MYO9B: variants seen among roughly 807,000 people sequenced by gnomAD.
MYO9B encodes the protein unconventional myosin-IXb.
In MYO9B, 71 loss-of-function variants were observed where a neutral mutation model predicts 229.5. That is an observed-to-expected ratio of 0.31 (90% CI 0.26 to 0.38). The LOEUF (loss-of-function observed/expected upper bound fraction) is 0.38. Among genes scored for constraint, MYO9B ranks in the 10% least tolerant of loss-of-function variants. The pLI is 1.00. For synonymous variants in MYO9B, 1,185 were observed against 1,235.8 expected (o/e 0.96, Z 0.86); for missense variants, 2,255 against 2,920.5 (o/e 0.77, Z 5.25).
intron 2 of MYO9B, among the ~76,000 whole-genome samples, chr19:17,113,459 G>A (rs991698896): frequency 6.6e-6 from 1 of 152,204 alleles, no homozygotes; most frequent in Non-Finnish European, 1.5e-5. Flanking sequence ...CCCTGCGAGC[G>A]GTCAAGACTC....
At chr19:17,130,580 A>G (rs1189139768) in intron 2 of MYO9B, among the ~76,000 whole-genome samples, 1 of 151,762 alleles carries the variant, frequency 6.6e-6, no homozygotes, top group Admixed American at 6.6e-5. Context: ...AGATCGTGCC[A>G]CTGCACTCCA....
intron 2 of MYO9B, among the ~76,000 whole-genome samples, chr19:17,120,675 G>A (rs2057954606): frequency 6.8e-6 from 1 of 146,208 alleles, no homozygotes; most frequent in Non-Finnish European, 1.5e-5. Flanking sequence ...TAGATAGATA[G>A]ATATCTAAAT....
At chr19:17,129,644 C>T (rs1033323541) in intron 2 of MYO9B, among the ~76,000 whole-genome samples, 4 of 152,176 alleles carry the variant, frequency 2.6e-5, no homozygotes, top group Admixed American at 6.5e-5. Context: ...TCTGTTTCCT[C>T]GTCTGAAATG....
Position 17,192,847 on chromosome 19 carries a change from G to A in MYO9B, c.2913G>A (p.Leu971=). Residue 971 remains leucine (L), a synonymous_variant, in exon 21 of 40, where the codon CTG becomes CTA. Coordinates refer to ENST00000682292, the MANE Select transcript of MYO9B (RefSeq NM_004145.4). ...LLLQSWFRMV[L]ERRHFLQMKR... ...TGCAGAGCTGGTTCCGGATGGTGCTGGAGCGTCGGCACTTCCTGCAGATGA... is the reference window on the plus strand; with the variant it reads ...TGCAGAGCTGGTTCCGGATGGTGCTAGAGCGTCGGCACTTCCTGCAGATGA... 2.6e-6 allele frequency: 4 copies of A among 1,552,254 alleles called. No individual in the cohort carries two copies. The highest frequency in any genetic ancestry group is 2.6e-6 in the Non-Finnish European group (3 of 1,148,164).
intron 3 of MYO9B, among the ~76,000 whole-genome samples, chr19:17,148,298 C>T (rs570557047): frequency 1.8e-4 from 28 of 152,298 alleles, no homozygotes; most frequent in Non-Finnish European, 2.1e-4. Context: ...GCTTGACCTC[C>T]GCATGGGCAC....
intron 2 of MYO9B, among the ~76,000 whole-genome samples, chr19:17,123,794 G>A (rs1383416307): frequency 1.3e-5 from 2 of 152,076 alleles, no homozygotes; most frequent in African/African-American, 2.4e-5. Flanking sequence ...ATGTTAAGAC[G>A]CCCAAACCAC....
At chr19:17,096,663 T>TTTG (rs150244722) in intron 1 of MYO9B, among the ~76,000 whole-genome samples, 12,408 of 115,612 alleles carry the variant, frequency 0.11, 994 homozygotes, top group East Asian at 0.31. Flanking sequence ...GTTCAGATAG[T>TTTG]TTGTTGTTGT....
intron 2 of MYO9B, among the ~76,000 whole-genome samples, chr19:17,144,986 A>AAAAAAG (rs1568272479): frequency 2.0e-5 from 3 of 150,086 alleles, no homozygotes; most frequent in East Asian, 2.0e-4. Context: ...AAAAAAAAAA[A>AAAAAAG]AAAAAGAAAA....
intron 22 of MYO9B, among the ~76,000 whole-genome samples, chr19:17,196,090 G>A (rs1175052344): frequency 7.0e-6 from 1 of 142,108 alleles, no homozygotes; most frequent in Non-Finnish European, 1.5e-5. Flanking sequence ...GAGTATTATC[G>A]ATAGATGATG....
chr19:17,202,741 G>C (rs1452123784), intron 28 of MYO9B, 101 bp from the exon 29 acceptor site: 2 of 1,191,228 alleles, frequency 1.7e-6, no homozygotes, highest in Non-Finnish European at 2.4e-6. Flanking sequence ...AGGTGAGGGA[G>C]GGTTCAGGGT....
intron 26 of MYO9B, among the ~76,000 whole-genome samples, 163 bp downstream of exon 26, chr19:17,200,992 A>G (rs746497640): frequency 9.2e-5 from 14 of 152,192 alleles, no homozygotes; most frequent in South Asian, 2.1e-4. Context: ...TCATCCCAGC[A>G]CTCTGGGAGG....
At chr19:17,137,685 C>T (rs1012204650) in intron 2 of MYO9B, among the ~76,000 whole-genome samples, 1 of 152,156 alleles carries the variant, frequency 6.6e-6, no homozygotes, top group Non-Finnish European at 1.5e-5. Flanking sequence ...AAGCTCTGCC[C>T]GAGGCTTTGC....
chr19:17,200,226 A>T, intron 24 of MYO9B, 67 bp from the exon 25 acceptor site: 1 of 1,551,642 alleles, frequency 6.4e-7, no homozygotes, highest in Non-Finnish European at 8.7e-7. Flanking sequence ...GTCCAGTCAC[A>T]GGGAGGCTGG....
intron 24 of MYO9B, among the ~76,000 whole-genome samples, chr19:17,199,680 A>ATTTTTTTTTC (rs1046847947): frequency 9.1e-6 from 1 of 109,606 alleles, no homozygotes; most frequent in Non-Finnish European, 1.8e-5. Context: ...TGCCCAGCTA[A>ATTTTTTTTTC]TTTTTTTTTC....
intron 18 of MYO9B, among the ~76,000 whole-genome samples, chr19:17,187,140 C>T (rs916185738): frequency 2.0e-5 from 3 of 152,230 alleles, no homozygotes; most frequent in African/African-American, 7.2e-5. Flanking sequence ...TTTCCAGCCT[C>T]TTCTCTCCCC....
At position 17,090,813 on chromosome 19, in the gene MYO9B, C is replaced by T. The variant is rs185884987; in HGVS notation, c.-58-10847C>T. On this transcript the variant is annotated intron_variant, in intron 1 of 39. Transcript: ENST00000682292. ...CGTACCCCAAAACACAACCATAACCCGAGGTCGCCACTTGGCTGAGCTGTC... is the reference window on the plus strand; with the variant it reads ...CGTACCCCAAAACACAACCATAACCTGAGGTCGCCACTTGGCTGAGCTGTC... Among the ~76,000 whole-genome samples the T allele has an allele frequency of 1.6e-4, 25 of 152,250 alleles. No homozygotes were observed. In the Middle Eastern group the frequency reaches 0.017, roughly 104 times the overall value.
chr19:17,162,316 T>G, intron 8 of MYO9B, 34 bp from the exon 9 acceptor site: 2 of 1,514,666 alleles, frequency 1.3e-6, no homozygotes, highest in South Asian at 2.4e-5. Flanking sequence ...GGGCCTGCCG[T>G]GCCGGAGGTG....
chr19:17,165,844 C>T (rs2072653506), intron 10 of MYO9B, among the ~76,000 whole-genome samples: 2 of 152,128 alleles, frequency 1.3e-5, no homozygotes, highest in South Asian at 2.1e-4. Context: ...GCCAGCAAAC[C>T]ACAGCCTGTG....
rs1568661190 is a variant in MYO9B, at chr19:17,101,038, A to G, written c.-58-622A>G. On this transcript the variant is annotated intron_variant, in intron 1 of 39. Transcript: ENST00000682292. This position sits in a 1 kb window ranked among gnomAD's most constrained non-coding sequence, Gnocchi z 4.7. ...GAAGGATGTGGGCTGGGAAGGGCAT[A>G]GCAGAAAGAGGGTCATGGCTTGTTG... Among the ~76,000 whole-genome samples the G allele has an allele frequency of 6.7e-6, 1 of 150,084 alleles. No homozygotes were observed. The highest frequency in any genetic ancestry group is 6.7e-5 in the Admixed American group (1 of 14,976).
Sources: gnomAD v4.1 joint callset for allele counts (sites outside exome capture counted in the v4.1 genomes callset) on GRCh38, gnomAD v4.1.1 for gene constraint, Gnocchi (gnomAD v3.1) non-coding constraint, MANE v1.5 for transcripts, NCBI Gene and HGNC (gene_info 2026-07-23, HGNC 2026-07-21) for gene names.